MYBPC1: variants seen among roughly 807,000 people sequenced by gnomAD.
MYBPC1 encodes myosin-binding protein C, slow-type.
Under a neutral mutation model 147.1 loss-of-function variants are expected in MYBPC1, and 52 were observed. The ratio of observed to expected loss-of-function variants is 0.35; its 90% confidence interval spans 0.28 to 0.45. The LOEUF (loss-of-function observed/expected upper bound fraction) is 0.45, where lower values mean the gene tolerates loss of function less well. Ranked by LOEUF, MYBPC1 falls within the 20% of genes least tolerant of loss-of-function variation. MYBPC1 has a pLI of 1.00. For missense variants in MYBPC1, 1,228 were observed against 1,440.3 expected (o/e 0.85, Z 2.39); for synonymous variants, 477 against 475.9 (o/e 1.00, Z -0.03).
At chr12:101,622,223 T>G (rs926780845) in intron 3 of MYBPC1, among the ~76,000 whole-genome samples, 1 of 152,222 alleles carries the variant, frequency 6.6e-6, no homozygotes, top group East Asian at 1.9e-4. Context: ...ATATATGTTG[T>G]TGAACTGGAC....
chr12:101,692,459 C>T, the MYBPC1 span, among the ~76,000 whole-genome samples: 361 of 152,270 alleles, frequency 2.4e-3, 2 homozygotes, highest in African/African-American at 7.8e-3. Context: ...TCAGACTACA[C>T]GGGCTTGAAT....
intron 8 of MYBPC1, among the ~76,000 whole-genome samples, chr12:101,632,761 A>C (rs1180878422): frequency 6.6e-6 from 1 of 152,278 alleles, no homozygotes; most frequent in East Asian, 1.9e-4. Context: ...ACAGAGTCTC[A>C]CTCTGTTGCC....
At chr12:101,646,446 C>T (rs1344939378) in intron 12 of MYBPC1, among the ~76,000 whole-genome samples, 1 of 152,000 alleles carries the variant, frequency 6.6e-6, no homozygotes, top group Non-Finnish European at 1.5e-5. Context: ...GAGTCTGAGA[C>T]AAACCTGGGC....
intron 3 of MYBPC1, among the ~76,000 whole-genome samples, chr12:101,618,854 C>CGTGTGTGTGTGT (rs35811344): frequency 1.9e-4 from 26 of 136,798 alleles, no homozygotes; most frequent in African/African-American, 5.1e-4. Flanking sequence ...CAAAAACTGC[C>CGTGTGTGTGTGT]GTGTGTGTGT....
chr12:101,648,355 T>C (rs1367281521), intron 14 of MYBPC1, among the ~76,000 whole-genome samples: 1 of 152,212 alleles, frequency 6.6e-6, no homozygotes, highest in Non-Finnish European at 1.5e-5. Context: ...CAGAGATCTA[T>C]GTGGGTAAGC....
intron 3 of MYBPC1, among the ~76,000 whole-genome samples, chr12:101,622,239 C>T (rs936973403): frequency 6.6e-6 from 1 of 152,134 alleles, no homozygotes; most frequent in African/African-American, 2.4e-5. Flanking sequence ...TGGACACAAC[C>T]AGAAAGATTT....
intron 10 of MYBPC1, among the ~76,000 whole-genome samples, chr12:101,638,307 C>T (rs1490353349): frequency 1.3e-5 from 2 of 152,178 alleles, no homozygotes; most frequent in Non-Finnish European, 2.9e-5. Flanking sequence ...CAGTGCCTGG[C>T]ACATAGAAAA....
Position 101,666,890 on chromosome 12 carries a change from T to TACACACAC in MYBPC1, c.2357-839_2357-838insCACACACA, listed in dbSNP as rs148269135. 2,183 of 463,888 alleles carry TACACACAC rather than the reference T, an allele frequency of 4.7e-3. 48 individuals carry two copies. The East Asian group carries it at 0.075, about 16-fold the overall frequency. The allele number at this position is 463,888 out of a possible 1,614,324, so 28.7% of individuals were successfully genotyped here. ...CCAAGCATGAAGAATACTCATCACA[T>TACACACAC]ACATACACACACACACACACACACA... On this transcript the variant is annotated intron_variant, in intron 22 of 31. Coordinates refer to ENST00000361466, the MANE Select transcript of MYBPC1 (RefSeq NM_002465.4).
chr12:101,658,158 C>A (rs11615258), intron 18 of MYBPC1, among the ~76,000 whole-genome samples: 63,405 of 146,934 alleles, frequency 0.43, 14,348 homozygotes, highest in Admixed American at 0.6. Context: ...AAGAGCAAAT[C>A]AAACCCAACA....
intron 23 of MYBPC1, chr12:101,669,953 A>AAAAAAAT: frequency 5.8e-6 from 2 of 343,174 alleles, no homozygotes; most frequent in South Asian, 2.4e-5. Context: ...AAAAAAAAAG[A>AAAAAAAT]AACTATGAAA....
Position 101,634,618 on chromosome 12 carries a change from G to T in MYBPC1, c.608+13G>T. The T allele has an allele frequency of 6.3e-7, 1 of 1,599,708 alleles. No homozygotes were observed. The highest frequency in any genetic ancestry group is 1.1e-5 in the South Asian group (1 of 90,774). On this transcript the variant is annotated intron_variant, in intron 9 of 31. Transcript: ENST00000361466. The stretch of plus-strand genomic sequence containing the variant: ...CTTTCAAGAGAAGGTAACTCCAAAA[G>T]AAAAATCTAGATAGCTTTTGTATAA...
At chr12:101,598,447 T>C (rs972950187) in intron 1 of MYBPC1, among the ~76,000 whole-genome samples, 1 of 152,248 alleles carries the variant, frequency 6.6e-6, no homozygotes, top group Admixed American at 6.5e-5. Flanking sequence ...ATAGTATGAA[T>C]GGCTGTTAAA....
intron 1 of MYBPC1, among the ~76,000 whole-genome samples, chr12:101,609,152 C>T (rs1883351366): frequency 6.6e-6 from 1 of 152,060 alleles, no homozygotes; most frequent in Non-Finnish European, 1.5e-5. Context: ...TTTAGGGTTC[C>T]CACTCACATT....
At chr12:101,663,932 G>A (rs1897004517) in intron 22 of MYBPC1, among the ~76,000 whole-genome samples, 1 of 152,152 alleles carries the variant, frequency 6.6e-6, no homozygotes, top group Non-Finnish European at 1.5e-5. Flanking sequence ...AACCTATAAT[G>A]AGCTGAAGTT....
downstream of MYBPC1, among the ~76,000 whole-genome samples, chr12:101,686,838 C>G (rs1053152123): frequency 6.6e-6 from 1 of 152,008 alleles, no homozygotes; most frequent in African/African-American, 2.4e-5. Flanking sequence ...TGATTCAGGT[C>G]GTTGCAGTAC....
intron 1 of MYBPC1, among the ~76,000 whole-genome samples, chr12:101,597,706 A>G (rs959566357): frequency 5.9e-5 from 9 of 152,182 alleles, no homozygotes; most frequent in African/African-American, 2.2e-4. Context: ...AGGAGTAACC[A>G]CTTCCCATTG....
intron 18 of MYBPC1, among the ~76,000 whole-genome samples, chr12:101,658,460 C>T (rs1044817677): frequency 6.6e-6 from 1 of 151,918 alleles, no homozygotes. Context: ...AGAAACTTGA[C>T]GCTTTCCTAC....
At chr12:101,660,315 C>A (rs1288352011) in intron 19 of MYBPC1, 1 of 195,560 alleles carries the variant, frequency 5.1e-6, no homozygotes, top group African/African-American at 2.3e-5. Context: ...ACTATACTTA[C>A]AAGATATTGT....
rs550497089 is a variant in MYBPC1 at position 101,654,888 on chromosome 12, C to T, written c.1767+1640C>T. On this transcript the variant is annotated intron_variant, in intron 18 of 31. Transcript: ENST00000361466. ...ACTGTCATGGACCCACCTAATAAGT[C>T]ATAAAAACAAGTCTAAAAGATTCAA... 3.3e-5 allele frequency among the ~76,000 whole-genome samples: 5 copies of T among 152,272 alleles called. No individual in the cohort carries two copies. The South Asian group carries it at 1.0e-3, about 32-fold the overall frequency.
Sources: gnomAD v4.1 joint callset for allele counts (sites outside exome capture counted in the v4.1 genomes callset) on GRCh38, gnomAD v4.1.1 for gene constraint, MANE v1.5 for transcripts, NCBI Gene and HGNC (gene_info 2026-07-23, HGNC 2026-07-21) for gene names.